CCDC136: variants seen among roughly 807,000 people sequenced by gnomAD.
The protein encoded by CCDC136 is coiled-coil domain containing 136.
A neutral mutation model predicts 141.2 loss-of-function variants in CCDC136; 100 were observed. The ratio of observed to expected loss-of-function variants is 0.71; its 90% CI spans 0.60 to 0.84. CCDC136 has a LOEUF of 0.84. Ranked by LOEUF, CCDC136 falls within the 40% of genes least tolerant of loss-of-function variation. The pLI, the probability that CCDC136 is intolerant of heterozygous loss-of-function variation, is 0.00. For synonymous variants in CCDC136, 474 were observed against 531.9 expected (o/e 0.89, Z 1.50); for missense variants, 1,206 against 1,379.4 (o/e 0.87, Z 1.99).
Position 128,805,435 on chromosome 7 carries a change from A to G in CCDC136, c.859A>G (p.Met287Val), listed in dbSNP as rs757868865. The G allele has an allele frequency of 1.9e-6, 3 of 1,614,014 alleles. No individual in the cohort carries two copies. In the Admixed American group the frequency reaches 5.0e-5, roughly 27 times the overall value. The change falls in exon 6 of 18, where the codon ATG becomes GTG. Residue 287 changes from methionine (M) to valine (V), a missense_variant. By Grantham distance (21) the Met-to-Val change is conservative (BLOSUM62 1). Transcript: ENST00000297788. The surrounding 1 kb of genome is among the most constrained non-coding windows in gnomAD (Gnocchi z 4.6). ...MTSAESQTSEMDFLEPDPEMQ... is the reference protein window; with the variant it reads ...MTSAESQTSEVDFLEPDPEMQ... ...GTCAGCAGAGTCTCAGACTTCAGAA[A>G]TGGATTTCTTAGAGCCTGATCCTGA... is the stretch of plus-strand genomic sequence containing the variant.
intron 1 of CCDC136, among the ~76,000 whole-genome samples, chr7:128,793,686 T>C (rs1201935336): frequency 6.6e-6 from 1 of 151,806 alleles, no homozygotes; most frequent in Non-Finnish European, 1.5e-5. Context: ...CTCGCCTCAC[T>C]GCAACCTCCA....
At chr7:128,796,685 C>T (rs886690926) in intron 3 of CCDC136, among the ~76,000 whole-genome samples, 5 of 148,724 alleles carry the variant, frequency 3.4e-5, no homozygotes, top group South Asian at 2.1e-4. Flanking sequence ...AGATGATGGT[C>T]GCTTGAGTTA....
At chr7:128,802,133 A>G (rs1804122396) in intron 4 of CCDC136, among the ~76,000 whole-genome samples, 1 of 152,180 alleles carries the variant, frequency 6.6e-6, no homozygotes. Flanking sequence ...GGGGGGCAAC[A>G]AATCGGAACA....
chr7:128,805,978 A>T lies in CCDC136; in HGVS notation c.1089+77A>T. The stretch of plus-strand genomic sequence containing the variant: ...AGGGGCTGCTTCAACCGGGGTGGGC[A>T]CAGTGAGTATGGCTGTGCTCTGCTG... On this transcript the variant is annotated intron_variant, in intron 7 of 17. Coordinates refer to ENST00000297788, the MANE Select transcript of CCDC136 (RefSeq NM_022742.5). The surrounding 1 kb of genome is among the most constrained non-coding windows in gnomAD (Gnocchi z 4.6). 1 of 1,544,198 alleles carries T rather than the reference A, an allele frequency of 6.5e-7. No homozygotes were observed. Among genetic ancestry groups the T allele is most frequent in the Non-Finnish European group, 8.9e-7 (1 of 1,124,156 alleles).
In CCDC136 at chr7:128,794,077, G is replaced by A. The variant is rs527415888; in HGVS notation, c.17-271G>A. Among the ~76,000 whole-genome samples, 1 of 152,200 alleles carries A rather than the reference G, an allele frequency of 6.6e-6. No individual in the cohort carries two copies. The highest frequency in any genetic ancestry group is 2.4e-5 in the African/African-American group (1 of 41,454). ...CTGTGCAAGTGTCTCATGGCTGAGC[G>A]GGCACCAGCCTGCCCACAGGCAGTG... On this transcript the variant is annotated intron_variant, in intron 1 of 17. Coordinates refer to ENST00000297788, the MANE Select transcript of CCDC136 (RefSeq NM_022742.5). The surrounding 1 kb of genome is among the most constrained non-coding windows in gnomAD (Gnocchi z 4.3).
chr7:128,821,472 A>G lies in CCDC136; in HGVS notation c.*6-327A>G, dbSNP rs1202251682. On this transcript the variant is annotated intron_variant, in intron 17 of 17. Transcript: ENST00000297788. This position sits in a 1 kb window ranked among gnomAD's most constrained non-coding sequence, Gnocchi z 5.1. ...CAGATTTCCCCTCCTCTTTCTTGCCATGGCATCCAGTCCTTTCTCATTGCA... is the reference window on the plus strand; with the variant it reads ...CAGATTTCCCCTCCTCTTTCTTGCCGTGGCATCCAGTCCTTTCTCATTGCA... 1.3e-5 allele frequency among the ~76,000 whole-genome samples: 2 copies of G among 152,070 alleles called. No homozygotes were observed. Among genetic ancestry groups the G allele is most frequent in the Non-Finnish European group, 2.9e-5 (2 of 68,006 alleles).
In CCDC136 at chr7:128,801,404, C is replaced by T. The variant is rs780262150; in HGVS notation, c.565C>T (p.Arg189Trp). 3.0e-5 allele frequency: 49 copies of T among 1,613,014 alleles called. No individual in the cohort carries two copies. The highest frequency in any genetic ancestry group is 8.3e-5 in the Admixed American group (5 of 59,904). ...TGAACTTGAAGACATGGAACGCATT[C>T]GGGGAGATTATGAGATGGAGATCGC... ...QNELEDMERI[R>W]GDYEMEIASL... is the part of the protein sequence containing the mutation. The change falls in exon 4 of 18, where the codon CGG (arginine) becomes TGG (tryptophan). Residue 189 changes from arginine to tryptophan, a missense_variant. Arg to Trp is a moderately radical substitution (Grantham distance 101). Transcript: ENST00000297788.
intron 14 of CCDC136, among the ~76,000 whole-genome samples, chr7:128,813,162 C>T (rs1319485555): frequency 6.6e-6 from 1 of 152,230 alleles, no homozygotes; most frequent in African/African-American, 2.4e-5. Flanking sequence ...TTTGCCACTT[C>T]TGTTCTCTTT....
chr7:128,804,828 C>A, intron 5 of CCDC136, 67 bp downstream of exon 5: 1 of 1,010,952 alleles, frequency 9.9e-7, no homozygotes, highest in Non-Finnish European at 1.5e-6. Flanking sequence ...CTTGGGCTTT[C>A]CCTGAAGGCA....
Position 128,814,737 on chromosome 7 carries a change from G to A in CCDC136, c.2863G>A (p.Gly955Arg), listed in dbSNP as rs1260779526. Residue 955 changes from glycine to arginine, a missense_variant, in exon 15 of 18, where the codon GGG (glycine) becomes AGG (arginine). Physicochemically the swap from Gly to Arg is moderately radical, Grantham distance 125 (BLOSUM62 -2). Transcript: ENST00000297788. ...RLLVVQEQLE[G>R]QLQCCQEELR... ...TCTGGTAGTGCAGGAGCAGCTGGAG[G>A]GGCAGCTGCAGTGCTGCCAGGAGGA... 6.2e-7 allele frequency: 1 copy of A among 1,613,552 alleles called. No individual in the cohort carries two copies. The highest frequency in any genetic ancestry group is 8.5e-7 in the Non-Finnish European group (1 of 1,179,708).
chr7:128,800,805 A>G (rs539139922), intron 3 of CCDC136, among the ~76,000 whole-genome samples: 9 of 152,330 alleles, frequency 5.9e-5, no homozygotes, highest in Non-Finnish European at 1.0e-4. Context: ...TAGTCTGTAT[A>G]CATTTTTTGA....
At position 128,794,253 on chromosome 7, in the gene CCDC136, C is replaced by A; in HGVS notation, c.17-95C>A. 6.6e-7 allele frequency: 1 copy of A among 1,525,938 alleles called. No homozygotes were observed. The highest frequency in any genetic ancestry group is 8.9e-7 in the Non-Finnish European group (1 of 1,125,720). The allele number at this position is 1,525,938 out of a possible 1,614,324, so 94.5% of individuals were successfully genotyped here. A position where few individuals can be genotyped will look rare whatever the true frequency, so the allele number is the denominator to read the frequency against. On this transcript the variant is annotated intron_variant, in intron 1 of 17. Transcript: ENST00000297788. The surrounding 1 kb of genome is among the most constrained non-coding windows in gnomAD (Gnocchi z 4.3). ...GGGACACCAGGTGGCACTAGTATGT[C>A]ATCTCTGCCCTGGCATAGTGAGTTT...
chr7:128,801,904 T>C (rs1475513807), intron 4 of CCDC136, among the ~76,000 whole-genome samples: 2 of 152,196 alleles, frequency 1.3e-5, no homozygotes, highest in African/African-American at 2.4e-5. Flanking sequence ...CAGAGAGTCA[T>C]TGGGTCTTTG....
chr7:128,812,916 A>T lies in CCDC136; in HGVS notation c.2750A>T (p.Asn917Ile). ...ECLEKPMAPQ[N>I]DKNEIKELQT... The stretch of plus-strand genomic sequence containing the variant: ...CTTGAAAAGCCCATGGCCCCCCAGA[A>T]CGACAAGAATGAGGTAACCACTGTC... Residue 917 changes from asparagine to isoleucine, a missense_variant, in exon 14 of 18, where the codon AAC (asparagine) becomes ATC (isoleucine). Coordinates refer to ENST00000297788, the MANE Select transcript of CCDC136 (RefSeq NM_022742.5). 6.2e-7 allele frequency: 1 copy of T among 1,607,234 alleles called. No individual in the cohort carries two copies. Among genetic ancestry groups the T allele is most frequent in the Non-Finnish European group, 8.5e-7 (1 of 1,176,858 alleles).
In CCDC136 at chr7:128,812,705, C is replaced by A. The variant is rs1355294686; in HGVS notation, c.2542-3C>A. On this transcript the variant is annotated splice_polypyrimidine_tract_variant and splice_region_variant and intron_variant, in intron 13 of 17. Coordinates refer to ENST00000297788, the MANE Select transcript of CCDC136 (RefSeq NM_022742.5). ...GCTATTGTTGCTCCCCCACCCCCCG[C>A]AGCGCTTTGAGGAAATGGTTGTGAA... is the stretch of plus-strand genomic sequence containing the variant. The A allele has an allele frequency of 6.2e-6, 10 of 1,610,768 alleles. No homozygotes were observed. The highest frequency in any genetic ancestry group is 1.1e-5 in the South Asian group (1 of 90,520).
intron 12 of CCDC136, chr7:128,811,235 G>A (rs1321242544): frequency 6.6e-6 from 3 of 452,846 alleles, no homozygotes; most frequent in Non-Finnish European, 8.9e-6. Context: ...TGGGAACCAG[G>A]TATAAAATAT....
intron 12 of CCDC136, 129 bp from the exon 13 acceptor site, chr7:128,811,671 C>G (rs547706183): frequency 1.2e-6 from 1 of 807,384 alleles, no homozygotes; most frequent in African/African-American, 1.7e-5. Flanking sequence ...AGACATAGGC[C>G]GGGGTGAGGT....
Position 128,796,739 on chromosome 7 carries a change from A to ATATATATATATATATATATAT in CCDC136, c.346+1972_346+1973insATATATATATATATATATATT. ...TGATTCAGAATATATATATATATATATTCTTTTTTTTTTTTTTTTTGAGAC... is the reference window on the plus strand; with the variant it reads ...TGATTCAGAATATATATATATATATATATATATATATATATATATATTTCTTTTTTTTTTTTTTTTTGAGAC... On this transcript the variant is annotated intron_variant, in intron 3 of 17. Transcript: ENST00000297788. Among the ~76,000 whole-genome samples the ATATATATATATATATATATAT allele has an allele frequency of 1.9e-4, 22 of 113,372 alleles. 1 individual carries two copies. The highest frequency in any genetic ancestry group is 1.0e-3 in the African/African-American group (22 of 21,802). The allele number at this position is 113,372 out of a possible 152,430, so 74.4% of individuals were successfully genotyped here.
chr7:128,806,946 A>AG (rs1804951360), intron 9 of CCDC136, 88 bp downstream of exon 9: 1 of 1,371,100 alleles, frequency 7.3e-7, no homozygotes. Flanking sequence ...GAATGGTAGG[A>AG]GTGTGGAGGA....
Sources: gnomAD v4.1 joint callset for allele counts (sites outside exome capture counted in the v4.1 genomes callset) on GRCh38, gnomAD v4.1.1 for gene constraint, Gnocchi (gnomAD v3.1) non-coding constraint, MANE v1.5 for transcripts, NCBI Gene and HGNC (gene_info 2026-07-23, HGNC 2026-07-21) for gene names.